The following TIAM1 variants were observed in gnomAD, a reference collection of about 807,000 sequenced individuals.
TIAM1 encodes the protein TIAM Rac1 associated GEF 1, also known as rho guanine nucleotide exchange factor TIAM1.
In TIAM1, 65 loss-of-function variants were observed where a neutral mutation model predicts 163.5. The observed-to-expected ratio is 0.40, with a 90% CI of 0.33 to 0.49. TIAM1 has a LOEUF of 0.49. Among genes scored for constraint, TIAM1 ranks in the 20% least tolerant of loss-of-function variants. TIAM1 has a pLI of 0.77. For missense variants in TIAM1, 1,789 were observed against 2,044.7 expected, an observed-to-expected ratio of 0.87 and a Z score of 2.41; for synonymous variants, 833 against 810.1, an observed-to-expected ratio of 1.03 and a Z score of -0.48.
chr21:31,549,715 G>A (rs937590104), intron 1 of TIAM1, among the ~76,000 whole-genome samples: 1 of 152,208 alleles, frequency 6.6e-6, no homozygotes, highest in Non-Finnish European at 1.5e-5. Context: ...CACTGCTGGT[G>A]GGATGTAAAA....
At chr21:31,289,366 C>T (rs1258564309) in intron 2 of TIAM1, among the ~76,000 whole-genome samples, 1 of 152,162 alleles carries the variant, frequency 6.6e-6, no homozygotes, top group Non-Finnish European at 1.5e-5. Flanking sequence ...AGTTTTTGTG[C>T]TCCCTACGCC....
At chr21:31,166,651 A>G (rs1033941021) in intron 15 of TIAM1, among the ~76,000 whole-genome samples, 35 of 152,228 alleles carry the variant, frequency 2.3e-4, no homozygotes, top group Non-Finnish European at 4.7e-4. Flanking sequence ...TTCAGTATTC[A>G]ATCACTCATT....
chr21:31,398,261 C>T (rs987171707), intron 2 of TIAM1, among the ~76,000 whole-genome samples: 1 of 151,182 alleles, frequency 6.6e-6, no homozygotes, highest in Non-Finnish European at 1.5e-5. Context: ...AAAGGAAGCA[C>T]CTGTTTTCAG....
At chr21:31,427,535 AC>A (rs1331196539) in intron 2 of TIAM1, among the ~76,000 whole-genome samples, 2 of 152,070 alleles carry the variant, frequency 1.3e-5, no homozygotes, top group Admixed American at 6.6e-5. Context: ...ATTAAAGATC[AC>A]CAATTAAAAT....
At chr21:31,304,796 G>T (rs576108875) in intron 2 of TIAM1, among the ~76,000 whole-genome samples, 1 of 152,248 alleles carries the variant, frequency 6.6e-6, no homozygotes, top group South Asian at 2.1e-4. Context: ...GGGTTTAAGC[G>T]ATTCTCGTGC....
At chr21:31,255,955 G>A (rs115403481) in intron 4 of TIAM1, among the ~76,000 whole-genome samples, 2,813 of 152,290 alleles carry the variant, frequency 0.018, 90 homozygotes, top group African/African-American at 0.063. Flanking sequence ...TCCACTGGCA[G>A]CTTCCCCAAA....
intron 3 of TIAM1, among the ~76,000 whole-genome samples, chr21:31,271,899 C>G (rs1194320139): frequency 6.6e-6 from 1 of 152,066 alleles, no homozygotes; most frequent in Non-Finnish European, 1.5e-5. Flanking sequence ...CACCATGATC[C>G]CTCTCTTAAA....
intron 1 of TIAM1, among the ~76,000 whole-genome samples, chr21:31,518,416 T>C (rs1012038124): frequency 7.2e-5 from 11 of 152,064 alleles, no homozygotes; most frequent in African/African-American, 2.7e-4. Flanking sequence ...GCCTCCCAAG[T>C]AGCTGAGATT....
chr21:31,225,199 C>A (rs565766608), intron 7 of TIAM1, among the ~76,000 whole-genome samples: 1 of 152,146 alleles, frequency 6.6e-6, no homozygotes, highest in South Asian at 2.1e-4. Context: ...AGGGTTTTGC[C>A]ATGTTGACCA....
intron 15 of TIAM1, among the ~76,000 whole-genome samples, chr21:31,172,262 C>G (rs1291327556): frequency 6.6e-6 from 1 of 152,028 alleles, no homozygotes; most frequent in Non-Finnish European, 1.5e-5. Flanking sequence ...TCTAAACACT[C>G]CCAGCTTAAG....
At chr21:31,175,392 A>T (rs971556335) in intron 15 of TIAM1, among the ~76,000 whole-genome samples, 3 of 152,094 alleles carry the variant, frequency 2.0e-5, no homozygotes, top group African/African-American at 7.2e-5. Context: ...GAACCCAAAG[A>T]GAGAGAGAAA....
chr21:31,312,749 C>T lies in TIAM1; in HGVS notation c.-189+26494G>A, dbSNP rs1000656456. ...CTGAGTAGAAATTCCAACGCAGGTC[C>T]ACTTGCTCTTAAGTTCATGCTCCTT... On this transcript the variant is annotated intron_variant, in intron 2 of 27. Transcript: ENST00000541036. Among the ~76,000 whole-genome samples, 5 of 152,176 alleles carry T rather than the reference C, an allele frequency of 3.3e-5. No homozygotes were observed. The South Asian group carries it at 1.0e-3, about 32-fold the overall frequency.
intron 20 of TIAM1, among the ~76,000 whole-genome samples, chr21:31,144,471 C>A (rs2083009208): frequency 6.6e-6 from 1 of 152,222 alleles, no homozygotes; most frequent in Admixed American, 6.5e-5. Context: ...CCGCGATGAA[C>A]ATGAACATGC....
intron 2 of TIAM1, among the ~76,000 whole-genome samples, chr21:31,449,982 GC>G (rs574013980): frequency 2.8e-3 from 432 of 152,246 alleles, no homozygotes; most frequent in Middle Eastern, 0.014. Flanking sequence ...GGGCAGCCAG[GC>G]CGATAATCAG....
chr21:31,534,193 C>A (rs894303215), intron 1 of TIAM1, among the ~76,000 whole-genome samples: 11 of 152,244 alleles, frequency 7.2e-5, no homozygotes, highest in Admixed American at 2.0e-4. Flanking sequence ...TAAGCATATT[C>A]AAACTCACCA....
chr21:31,382,947 T>G (rs2076802917), intron 2 of TIAM1, among the ~76,000 whole-genome samples: 1 of 152,180 alleles, frequency 6.6e-6, no homozygotes, highest in African/African-American at 2.4e-5. Flanking sequence ...CTTTTAGAAG[T>G]GTAAAACATA....
At chr21:31,429,824 C>T (rs1396225325) in intron 2 of TIAM1, among the ~76,000 whole-genome samples, 2 of 124 alleles carry the variant, frequency 0.016, no homozygotes, top group Non-Finnish European at 0.032. Flanking sequence ...GAACTGGCTC[C>T]GCTACTCCAC....
Position 31,356,625 on chromosome 21 carries a change from A to G in TIAM1, c.-368-17203T>C, listed in dbSNP as rs146875461. Among the ~76,000 whole-genome samples, 432 of 152,366 alleles carry G rather than the reference A, an allele frequency of 2.8e-3. 3 individuals carry two copies. The highest frequency in any genetic ancestry group is 6.8e-3 in the Middle Eastern group (2 of 294). On this transcript the variant is annotated intron_variant, in intron 2 of 28. Transcript: ENST00000286827. ...AGGACATAGCCACAAGGCGCTGTCC[A>G]GAGGAAGCAGCCCCTCACTAAACAC...
chr21:31,428,654 A>G (rs2043884488), intron 2 of TIAM1, among the ~76,000 whole-genome samples: 1 of 152,152 alleles, frequency 6.6e-6, no homozygotes, highest in South Asian at 2.1e-4. Flanking sequence ...AGGTCGAGGC[A>G]GGCAAATGGC....
Sources: gnomAD v4.1 joint callset for allele counts (sites outside exome capture counted in the v4.1 genomes callset) on GRCh38, gnomAD v4.1.1 for gene constraint, MANE v1.5 for transcripts, NCBI Gene and HGNC (gene_info 2026-07-23, HGNC 2026-07-21) for gene names.